The following NOP14 variants were observed in gnomAD, a reference collection of about 807,000 sequenced individuals.
The protein encoded by NOP14 is nucleolar protein 14.
NOP14 carries 57 observed loss-of-function variants against 101.6 expected under a neutral mutation model. The ratio of observed to expected loss-of-function variants is 0.56; its 90% confidence interval spans 0.45 to 0.70. NOP14 has a LOEUF of 0.70. Among genes scored for constraint, NOP14 ranks in the 30% least tolerant of loss-of-function variants. The pLI, the probability that NOP14 is intolerant of heterozygous loss-of-function variation, is 0.00. For synonymous variants in NOP14, 428 were observed against 424.0 expected (o/e 1.01, Z -0.12); for missense variants, 1,134 against 1,075.5 (o/e 1.05, Z -0.76).
At position 2,950,141 on chromosome 4, in the gene NOP14, C is replaced by T. The variant is rs61743489; in HGVS notation, c.1075G>A (p.Glu359Lys). Reference sequence around the variant, plus strand: ...CCGCCTGAACTGTCACCTTCTTCCTCGTTGCTCTCAGGGTCACTGGCTTCC... The same window carrying T: ...CCGCCTGAACTGTCACCTTCTTCCTTGTTGCTCTCAGGGTCACTGGCTTCC... ...SKEASDPESN[E>K]EEGDSSGGED... The change falls in exon 8 of 18, where the codon GAG becomes AAG. Residue 359 changes from glutamate to lysine, a missense_variant. Physicochemically the swap from Glu to Lys is moderately conservative, Grantham distance 56 (BLOSUM62 1). Transcript: ENST00000416614. The T allele has an allele frequency of 8.9e-4, 1,437 of 1,614,184 alleles. 8 individuals are homozygous for T. The African/African-American group carries it at 0.017, about 19-fold the overall frequency.
chr4:2,961,557 G>A (rs1255203865), intron 1 of NOP14: 1 of 152,196 alleles, frequency 6.6e-6, no homozygotes, highest in African/African-American at 2.4e-5. Flanking sequence ...GCCCCTACAC[G>A]CGTTATCAAG....
chr4:2,944,820 A>T (rs1714493673), intron 12 of NOP14, among the ~76,000 whole-genome samples: 1 of 152,246 alleles, frequency 6.6e-6, no homozygotes, highest in Non-Finnish European at 1.5e-5. Context: ...GAACTTTTTA[A>T]GCCAAAAAGG....
chr4:2,946,494 T>C lies in NOP14; in HGVS notation c.1553A>G (p.Lys518Arg), dbSNP rs1159384163. 15 of 1,614,198 alleles carry C rather than the reference T, an allele frequency of 9.3e-6. No individual in the cohort carries two copies. The highest frequency in any genetic ancestry group is 1.3e-5 in the Non-Finnish European group (15 of 1,180,006). The change falls in exon 11 of 18, where the codon AAA (lysine) becomes AGA (arginine). Residue 518 changes from lysine to arginine, a missense_variant. Physicochemically the swap from Lys to Arg is conservative, Grantham distance 26. Transcript: ENST00000416614. ...ATGCATCGCATCTCGGAGAACAAAT[T>C]TGATAGCGTCACTTGCAGATTCAGG... ...MFPESASDAI[K>R]FVLRDAMHEM... is the part of the protein sequence containing the mutation.
intron 13 of NOP14, among the ~76,000 whole-genome samples, chr4:2,942,782 C>T (rs189620183): frequency 1.3e-5 from 2 of 152,050 alleles, no homozygotes; most frequent in Non-Finnish European, 2.9e-5. Flanking sequence ...GAGAGTCAGT[C>T]GGGGGTGACG....
rs377086270 is a variant in NOP14, at chr4:2,939,695, C to T, written c.2200-50G>A. 3 of 1,385,980 alleles carry T rather than the reference C, an allele frequency of 2.2e-6. No homozygotes were observed. The African/African-American group carries it at 4.2e-5, about 20-fold the overall frequency. The allele number at this position is 1,385,980 out of a possible 1,614,324, so 85.9% of individuals were successfully genotyped here. On this transcript the variant is annotated intron_variant, in intron 15 of 17. Transcript: ENST00000416614. The stretch of plus-strand genomic sequence containing the variant: ...CTGCGATGACTCACCTGCTGCGTGC[C>T]CTGAGCTCCACGCACGGGTTCTGTG...
chr4:2,945,335 G>C, intron 11 of NOP14, 106 bp from the exon 12 acceptor site: 1 of 839,318 alleles, frequency 1.2e-6, no homozygotes, highest in Non-Finnish European at 1.9e-6. Flanking sequence ...CGAGGAGAGG[G>C]TGCATCTCCT....
At position 2,959,320 on chromosome 4, in the gene NOP14, C is replaced by T. The variant is rs191721496; in HGVS notation, c.196-1580G>A. On this transcript the variant is annotated intron_variant, in intron 1 of 17. Transcript: ENST00000416614. ...TTAAAAACACCTTTGGGGCCGGGCG[C>T]GGTGGCTCACGCCTGTAATTCCAGC... Among the ~76,000 whole-genome samples, 65 of 152,274 alleles carry T rather than the reference C, an allele frequency of 4.3e-4. 1 individual carries two copies. Among genetic ancestry groups the T allele is most frequent in the East Asian group, 1.7e-3 (9 of 5,188 alleles).
Position 2,942,447 on chromosome 4 carries a change from CAG to C in NOP14, c.1892-98_1892-97del, listed in dbSNP as rs990404602. 58 of 1,219,936 alleles carry C rather than the reference CAG, an allele frequency of 4.8e-5. No individual in the cohort carries two copies. The African/African-American group carries it at 7.5e-4, about 16-fold the overall frequency. The allele number at this position is 1,219,936 out of a possible 1,614,324, so 75.6% of individuals were successfully genotyped here. A position where few individuals can be genotyped will look rare whatever the true frequency, so the allele number is the denominator to read the frequency against. On this transcript the variant is annotated intron_variant, in intron 13 of 17. Transcript: ENST00000416614. ...GAGCCTGTGGAAGTTCACCCTCTAA[CAG>C]ACGCACACCGATTTTTATGTTTCTG...
intron 2 of NOP14, 122 bp from the exon 3 acceptor site, chr4:2,956,933 C>G: frequency 4.7e-6 from 4 of 846,872 alleles, no homozygotes; most frequent in Non-Finnish European, 7.0e-6. Flanking sequence ...TCCTAAGCAG[C>G]CTTAAAGAGT....
At chr4:2,941,851 TGGCCGGCCAGGGTTG>T in intron 14 of NOP14, 122 bp from the exon 15 acceptor site, 1 of 1,198,710 alleles carries the variant, frequency 8.3e-7, no homozygotes, top group Non-Finnish European at 1.2e-6. Flanking sequence ...GTGGCCACCT[TGGCCGGCCAGGGTTG>T]GGCCCATGCA....
Position 2,947,673 on chromosome 4 carries a change from C to T in NOP14, c.1414-62G>A, listed in dbSNP as rs148492693. On this transcript the variant is annotated intron_variant, in intron 9 of 17. Coordinates refer to ENST00000416614, the MANE Select transcript of NOP14 (RefSeq NM_001291978.2). The stretch of plus-strand genomic sequence containing the variant: ...TCAGCACCAAGAACAAAGCCACAGG[C>T]ACACAGCTTCTGGATCACGTACATT... The T allele has an allele frequency of 1.5e-5, 20 of 1,332,170 alleles. No homozygotes were observed. The African/African-American group carries it at 2.0e-4, about 13-fold the overall frequency. 82.5% of individuals were successfully genotyped at this position (1,332,170 alleles called of 1,614,324 possible).
intron 7 of NOP14, chr4:2,950,468 G>A: frequency 1.8e-6 from 1 of 543,534 alleles, no homozygotes; most frequent in Non-Finnish European, 3.3e-6. Context: ...GCTTTTGCCA[G>A]GGAGCAGCAT....
chr4:2,942,697 G>C (rs116469607), intron 13 of NOP14, among the ~76,000 whole-genome samples: 3,179 of 152,308 alleles, frequency 0.021, 160 homozygotes, highest in Admixed American at 0.12. Context: ...GAGACAGGCA[G>C]TGCACAGCAC....
chr4:2,947,952 C>T (rs970074368), intron 9 of NOP14, among the ~76,000 whole-genome samples: 8 of 152,224 alleles, frequency 5.3e-5, no homozygotes, highest in Non-Finnish European at 7.3e-5. Flanking sequence ...CGATCACAGC[C>T]ACCTATCTGC....
rs1344279177 is a variant in NOP14, at chr4:2,963,328, C to T, written c.-9G>A. 1 of 1,562,478 alleles carries T rather than the reference C, an allele frequency of 6.4e-7. No individual in the cohort carries two copies. The highest frequency in any genetic ancestry group is 8.6e-7 in the Non-Finnish European group (1 of 1,159,440). On this transcript the variant is annotated 5_prime_UTR_variant, in exon 1 of 18. Coordinates refer to ENST00000416614, the MANE Select transcript of NOP14 (RefSeq NM_001291978.2). ...TTCTTCGCCTTCGCCATGGCGCGCG[C>T]CCCGCTGCGCCCAAGGGCCCGAGAC...
intron 15 of NOP14, 120 bp from the exon 16 acceptor site, chr4:2,939,765 G>C: frequency 1.3e-6 from 1 of 794,410 alleles, no homozygotes; most frequent in Non-Finnish European, 2.2e-6. Context: ...CCCTGCAGCA[G>C]GATGGTGCCC....
At chr4:2,940,175 A>C (rs576731697) in intron 15 of NOP14, 1 of 158,478 alleles carries the variant, frequency 6.3e-6, no homozygotes, top group African/African-American at 2.4e-5. Flanking sequence ...TCAAGCCAAC[A>C]GAACCAGATG....
chr4:2,960,739 TATATTAATATTATA>T (rs1715709119), intron 1 of NOP14, among the ~76,000 whole-genome samples: 1 of 132,532 alleles, frequency 7.5e-6, no homozygotes, highest in Admixed American at 7.7e-5. Flanking sequence ...TTAATATTAA[TATATTAATATTATA>T]ATCACATTAA....
rs187103867 is a variant in NOP14, at chr4:2,938,147, C to A, written c.*684G>T. The A allele has an allele frequency of 2.4e-6, 3 of 1,249,056 alleles. No homozygotes were observed. Among genetic ancestry groups the A allele is most frequent in the South Asian group, 2.5e-5 (2 of 78,740 alleles). The allele number at this position is 1,249,056 out of a possible 1,614,324, so 77.4% of individuals were successfully genotyped here. On this transcript the variant is annotated 3_prime_UTR_variant, in exon 18 of 18. Coordinates refer to ENST00000416614, the MANE Select transcript of NOP14 (RefSeq NM_001291978.2). ...GGATTCATTCTATTTCATCAGGTGA[C>A]GTTTTAACAGAAACAAAACCGCAGG...
Sources: gnomAD v4.1 joint callset for allele counts (sites outside exome capture counted in the v4.1 genomes callset) on GRCh38, gnomAD v4.1.1 for gene constraint, MANE v1.5 for transcripts, NCBI Gene and HGNC (gene_info 2026-07-23, HGNC 2026-07-21) for gene names.